WDR35: variants seen among roughly 807,000 people sequenced by gnomAD.
WDR35 encodes the protein WD repeat-containing protein 35.
In WDR35, 118 loss-of-function variants were observed where a neutral mutation model predicts 158.3. The observed-to-expected ratio is 0.75, with a 90% CI of 0.64 to 0.87. The LOEUF (loss-of-function observed/expected upper bound fraction) is 0.87, where lower values mean the gene tolerates loss of function less well. Among genes scored for constraint, WDR35 ranks in the 40% least tolerant of loss-of-function variants. The pLI is 0.00. For missense variants in WDR35, 1,263 were observed against 1,405.8 expected (o/e 0.90, Z 1.62); for synonymous variants, 448 against 476.1 (o/e 0.94, Z 0.77).
In WDR35 at chr2:19,945,795, C is replaced by T. The variant is rs1671026548; in HGVS notation, c.1836G>A (p.Leu612=). The T allele has an allele frequency of 6.2e-7, 1 of 1,613,650 alleles. No homozygotes were observed. Among genetic ancestry groups the T allele is most frequent in the African/African-American group, 1.3e-5 (1 of 74,898 alleles). ...CATTTCTTGTTTTTACCTCAGGATC[C>T]AAGTTTCTGAAAACATACATTCTTG... ...EKTRMYVFRN[L]DPEEPIQTSG... Residue 612 remains leucine (L), a synonymous_variant, in exon 16 of 27, where the codon TTG becomes TTA. Transcript: ENST00000281405.
chr2:19,974,297 T>A (rs565609393), intron 7 of WDR35, among the ~76,000 whole-genome samples, 171 bp downstream of exon 7: 5 of 151,282 alleles, frequency 3.3e-5, no homozygotes, highest in African/African-American at 1.2e-4. Flanking sequence ...TAGTCCCAGC[T>A]ACTCGGGAGG....
chr2:19,976,989 T>G (rs1304220314), intron 5 of WDR35, among the ~76,000 whole-genome samples: 1 of 152,026 alleles, frequency 6.6e-6, no homozygotes, highest in Non-Finnish European at 1.5e-5. Context: ...CCAGATAATT[T>G]GTTTTGTTTT....
intron 23 of WDR35, among the ~76,000 whole-genome samples, chr2:19,932,022 G>C (rs997490705): frequency 6.6e-6 from 1 of 152,054 alleles, no homozygotes; most frequent in Non-Finnish European, 1.5e-5. Context: ...GTACTTTGCA[G>C]TCTCAGTAAT....
At chr2:19,972,960 C>T (rs900884246) in intron 8 of WDR35, among the ~76,000 whole-genome samples, 1 of 151,960 alleles carries the variant, frequency 6.6e-6, no homozygotes, top group African/African-American at 2.4e-5. Flanking sequence ...TTTTCCAATG[C>T]TACTTCTGAA....
intron 11 of WDR35, among the ~76,000 whole-genome samples, chr2:19,957,691 T>G (rs1196044638): frequency 6.6e-6 from 1 of 152,080 alleles, no homozygotes; most frequent in Non-Finnish European, 1.5e-5. Flanking sequence ...TAGCTGGGAT[T>G]ACAGGTGCAT....
chr2:19,957,677 C>A (rs1671493313), intron 11 of WDR35, among the ~76,000 whole-genome samples: 1 of 151,938 alleles, frequency 6.6e-6, no homozygotes, highest in African/African-American at 2.4e-5. Context: ...CACAGCCTCC[C>A]AAGTAGCTGG....
intron 25 of WDR35, among the ~76,000 whole-genome samples, chr2:19,927,587 T>C (rs1670395698): frequency 1.3e-5 from 2 of 152,206 alleles, no homozygotes; most frequent in Admixed American, 6.5e-5. Flanking sequence ...TCAAATGATA[T>C]GGCCCGCTCT....
At chr2:19,935,340 A>G in intron 21 of WDR35, 131 bp downstream of exon 21, 3 of 960,086 alleles carry the variant, frequency 3.1e-6, no homozygotes, top group Non-Finnish European at 4.5e-6. Context: ...TAAAAGCATC[A>G]TTCCATGTCT....
At chr2:19,925,898 G>A (rs868052590) in intron 25 of WDR35, among the ~76,000 whole-genome samples, 11 of 152,300 alleles carry the variant, frequency 7.2e-5, no homozygotes, top group Middle Eastern at 3.4e-3. Flanking sequence ...ATTTTTGATG[G>A]TGCTCATTGT....
rs1558342670 is a variant in WDR35 at position 19,953,996 on chromosome 2, AAGATAATTT to A, written c.1256-27_1256-19del. The stretch of plus-strand genomic sequence containing the variant: ...CAATGGTACTGTTAAAAATAACATT[AAGATAATTT>A]ACAGTTACACAGAATTGCAGAATGC... On this transcript the variant is annotated intron_variant, in intron 11 of 26. Transcript: ENST00000281405. 1 of 1,613,916 alleles carries A rather than the reference AAGATAATTT, an allele frequency of 6.2e-7. No individual in the cohort carries two copies. Among genetic ancestry groups the A allele is most frequent in the South Asian group, 1.1e-5 (1 of 91,082 alleles).
intron 25 of WDR35, among the ~76,000 whole-genome samples, chr2:19,929,634 A>G (rs1670466827): frequency 6.6e-6 from 1 of 152,222 alleles, no homozygotes. Context: ...TCTTCTATCA[A>G]TTACAGTATA....
At chr2:19,957,934 G>A (rs944913471) in intron 11 of WDR35, among the ~76,000 whole-genome samples, 3 of 152,164 alleles carry the variant, frequency 2.0e-5, no homozygotes, top group Admixed American at 1.3e-4. Context: ...TACTAGCCAA[G>A]CAAGGATGTA....
chr2:19,945,892 A>G lies in WDR35; in HGVS notation c.1739T>C (p.Leu580Ser). ...CATATCCCAGACATCTCTTCGTTCC[A>G]ATTTTAACAACTCTCCAACTACTTG... Reference protein sequence around the residue: ...GQQVVGELLKLERRDVWDMKW... With the variant: ...GQQVVGELLKSERRDVWDMKW... The change falls in exon 16 of 27, where the codon TTG becomes TCG. Residue 580 changes from leucine to serine, a missense_variant. Transcript: ENST00000281405. 1 of 1,614,010 alleles carries G rather than the reference A, an allele frequency of 6.2e-7. No homozygotes were observed. Among genetic ancestry groups the G allele is most frequent in the Non-Finnish European group, 8.5e-7 (1 of 1,179,916 alleles).
Position 19,990,083 on chromosome 2 carries a change from A to G in WDR35, c.-68T>C, listed in dbSNP as rs1247556537. 5.0e-6 allele frequency: 8 copies of G among 1,596,090 alleles called. No homozygotes were observed. The Admixed American group carries it at 1.0e-4, about 21-fold the overall frequency. Reference sequence around the variant, plus strand: ...GACAAGTAACGGTTCTACGTCTCCAATCGGGAGTACCAGCAGCTCCGGAAA... The same window carrying G: ...GACAAGTAACGGTTCTACGTCTCCAGTCGGGAGTACCAGCAGCTCCGGAAA... On this transcript the variant is annotated 5_prime_UTR_variant, in exon 1 of 27. Coordinates refer to ENST00000281405, the MANE Select transcript of WDR35 (RefSeq NM_020779.4).
intron 10 of WDR35, among the ~76,000 whole-genome samples, chr2:19,962,111 G>A (rs1242228471): frequency 6.6e-6 from 1 of 152,154 alleles, no homozygotes; most frequent in East Asian, 1.9e-4. Flanking sequence ...TTACAAAAAT[G>A]TCTTGACCTT....
Position 19,910,485 on chromosome 2 carries a change from A to G in WDR35, c.*3073T>C, listed in dbSNP as rs1021307849. 11 of 152,312 alleles carry G rather than the reference A, an allele frequency of 7.2e-5. No homozygotes were observed. Among genetic ancestry groups the G allele is most frequent in the South Asian group, 2.1e-4 (1 of 4,822 alleles). The allele number at this position is 152,312 out of a possible 1,614,324, so 9.4% of individuals were successfully genotyped here. A position where few individuals can be genotyped will look rare whatever the true frequency, so the allele number is the denominator to read the frequency against. On this transcript the variant is annotated 3_prime_UTR_variant, in exon 27 of 27. Transcript: ENST00000281405. The stretch of plus-strand genomic sequence containing the variant: ...CTTTATCAGTCAGTTCCATCATTTC[A>G]ATATTTTGGCCCACCACACCACTTT...
chr2:19,920,430 G>A (rs184705179), intron 25 of WDR35, among the ~76,000 whole-genome samples: 6 of 152,206 alleles, frequency 3.9e-5, no homozygotes, highest in Admixed American at 1.3e-4. Flanking sequence ...TTCAACATAC[G>A]CAAATCAATA....
At chr2:19,982,434 C>G (rs780450545) in intron 3 of WDR35, 29 bp downstream of exon 3, 1 of 1,607,282 alleles carries the variant, frequency 6.2e-7, no homozygotes, top group Non-Finnish European at 8.5e-7. Context: ...ACCACTCAAA[C>G]ATGACTTAAA....
At chr2:19,918,041 C>A (rs1217136619) in intron 25 of WDR35, among the ~76,000 whole-genome samples, 1 of 152,210 alleles carries the variant, frequency 6.6e-6, no homozygotes, top group African/African-American at 2.4e-5. Flanking sequence ...AACAGCAGAT[C>A]TCTCGGCAGA....
Sources: gnomAD v4.1 joint callset for allele counts (sites outside exome capture counted in the v4.1 genomes callset) on GRCh38, gnomAD v4.1.1 for gene constraint, MANE v1.5 for transcripts, NCBI Gene and HGNC (gene_info 2026-07-23, HGNC 2026-07-21) for gene names.